The following UTP20 variants were observed in gnomAD, a reference collection of about 807,000 sequenced individuals.
UTP20 encodes small subunit processome component 20 homolog.
In UTP20, 164 loss-of-function variants were observed where a neutral mutation model predicts 329.5. The observed-to-expected ratio is 0.50, with a 90% CI of 0.44 to 0.57. The LOEUF (loss-of-function observed/expected upper bound fraction) is 0.57, where lower values mean the gene tolerates loss of function less well. UTP20 is among the 20% of genes least tolerant of loss of function. The probability of loss-of-function intolerance (pLI) is 0.00; values close to 1 mark genes in which losing one functional copy is unlikely to be tolerated. For missense variants in UTP20, 3,055 were observed against 3,284.2 expected, an observed-to-expected ratio of 0.93 and a Z score of 1.71; for synonymous variants, 1,151 against 1,159.3, an observed-to-expected ratio of 0.99 and a Z score of 0.14.
chr12:101,291,816 G>T lies in UTP20; in HGVS notation c.966G>T (p.Leu322Phe). 1.2e-6 allele frequency: 2 copies of T among 1,613,876 alleles called. No homozygotes were observed. Among genetic ancestry groups the T allele is most frequent in the South Asian group, 1.1e-5 (1 of 90,970 alleles). ...CCESSEQIKR[L>F]LETYLILVKH... ...AAAGTTCTGAACAGATTAAAAGGTT[G>T]TTGGAAACATACCTTATACTTGTAA... Residue 322 changes from leucine to phenylalanine, a missense_variant, in exon 9 of 62, where the codon TTG (leucine) becomes TTT (phenylalanine). Leu to Phe is a conservative substitution (Grantham distance 22, BLOSUM62 0). Transcript: ENST00000261637.
chr12:101,360,617 G>C (rs1869880085), intron 43 of UTP20, among the ~76,000 whole-genome samples: 1 of 152,116 alleles, frequency 6.6e-6, no homozygotes, highest in African/African-American at 2.4e-5. Context: ...TTGAGGTCAG[G>C]AGTTCAAGAC....
At chr12:101,298,994 G>C (rs1291800973) in intron 12 of UTP20, among the ~76,000 whole-genome samples, 2 of 151,980 alleles carry the variant, frequency 1.3e-5, no homozygotes, top group Admixed American at 1.3e-4. Context: ...AACCAAACTG[G>C]AGTTGGAGGA....
chr12:101,374,969 T>TATTCC, intron 55 of UTP20, 30 bp downstream of exon 55: 1 of 1,561,280 alleles, frequency 6.4e-7, no homozygotes, highest in Admixed American at 1.7e-5. Flanking sequence ...ATAAAACTTT[T>TATTCC]CTAACTTATA....
chr12:101,354,772 C>T (rs376163083), intron 40 of UTP20, 60 bp from the exon 41 acceptor site: 7 of 1,550,996 alleles, frequency 4.5e-6, no homozygotes, highest in Middle Eastern at 2.4e-4. Flanking sequence ...AAACTGCTTA[C>T]CACAACTGTG....
chr12:101,313,833 T>G (rs541821786), intron 21 of UTP20, among the ~76,000 whole-genome samples: 1 of 151,858 alleles, frequency 6.6e-6, no homozygotes, highest in African/African-American at 2.4e-5. Context: ...TTTACTGAGA[T>G]AGGAGGAATG....
chr12:101,318,978 A>T (rs1038487933), intron 22 of UTP20, among the ~76,000 whole-genome samples: 2 of 152,158 alleles, frequency 1.3e-5, no homozygotes, highest in Non-Finnish European at 2.9e-5. Context: ...GCCAGCCTTC[A>T]TGTCACTATA....
chr12:101,304,369 G>T (rs544822383), intron 15 of UTP20, among the ~76,000 whole-genome samples: 2 of 152,336 alleles, frequency 1.3e-5, no homozygotes, highest in South Asian at 4.1e-4. Context: ...ATCTCACCTT[G>T]TAGAGATTAA....
rs35483128 is a variant in UTP20, at chr12:101,318,831, GAAAAAAAAAA to G, written c.2739-704_2739-695del. 3.1e-5 allele frequency among the ~76,000 whole-genome samples: 3 copies of G among 97,692 alleles called. No individual in the cohort carries two copies. In the Admixed American group the frequency reaches 3.6e-4, roughly 12 times the overall value. 64.1% of individuals were successfully genotyped at this position (97,692 alleles called of 152,430 possible). A position where few individuals can be genotyped will look rare whatever the true frequency, so the allele number is the denominator to read the frequency against. On this transcript the variant is annotated intron_variant, in intron 22 of 61. Coordinates refer to ENST00000261637, the MANE Select transcript of UTP20 (RefSeq NM_014503.3). Reference sequence around the variant, plus strand: ...GGGCCACAGATTGAGACTCCATCTTGAAAAAAAAAAAAAAAAAAAGACCCAGGGAAGGCTC... The same window carrying G: ...GGGCCACAGATTGAGACTCCATCTTGAAAAAAAAAGACCCAGGGAAGGCTC...
At chr12:101,281,995 G>T (rs1259488125) in intron 2 of UTP20, among the ~76,000 whole-genome samples, 1 of 152,130 alleles carries the variant, frequency 6.6e-6, no homozygotes, top group South Asian at 2.1e-4. Flanking sequence ...GAGCCACCAC[G>T]CCCGGCCTTG....
intron 22 of UTP20, 50 bp from the exon 23 acceptor site, chr12:101,319,494 AT>A: frequency 7.0e-7 from 1 of 1,420,982 alleles, no homozygotes; most frequent in Non-Finnish European, 9.6e-7. Flanking sequence ...GTTTAAGAAA[AT>A]GATCTCAATT....
intron 58 of UTP20, among the ~76,000 whole-genome samples, chr12:101,382,516 A>G (rs1870680566): frequency 6.6e-6 from 1 of 152,192 alleles, no homozygotes; most frequent in Non-Finnish European, 1.5e-5. Context: ...GATAGATCAA[A>G]GTTACATGGA....
chr12:101,334,342 A>T, intron 28 of UTP20, 83 bp from the exon 29 acceptor site: 1 of 1,174,416 alleles, frequency 8.5e-7, no homozygotes, highest in Non-Finnish European at 1.2e-6. Flanking sequence ...CTGTGCTGTG[A>T]TTTCTGTACT....
intron 60 of UTP20, among the ~76,000 whole-genome samples, chr12:101,384,420 A>T (rs1261448746): frequency 6.6e-6 from 1 of 152,136 alleles, no homozygotes; most frequent in Non-Finnish European, 1.5e-5. Context: ...GCACAACTAT[A>T]ATTGCAGCTA....
Position 101,345,554 on chromosome 12 carries a change from A to C in UTP20, c.4606A>C (p.Ser1536Arg). The C allele has an allele frequency of 1.3e-6, 2 of 1,522,594 alleles. No individual in the cohort carries two copies. The highest frequency in any genetic ancestry group is 4.7e-5 in the East Asian group (2 of 42,716). 94.3% of individuals were successfully genotyped at this position (1,522,594 alleles called of 1,614,324 possible). ...LRKGLKSQTESIQQDYTTILS... is the reference protein window; with the variant it reads ...LRKGLKSQTERIQQDYTTILS... ...TTTTTTCTCCACTTCATATTTACAG[A>C]GTATTCAGCAGGATTATACCACAAT... The change falls in exon 37 of 62, where the codon AGT becomes CGT. Residue 1536 changes from serine to arginine, a missense_variant and splice_region_variant. Physicochemically the swap from Ser to Arg is moderately radical, Grantham distance 110 (BLOSUM62 -1). Coordinates refer to ENST00000261637, the MANE Select transcript of UTP20 (RefSeq NM_014503.3).
intron 60 of UTP20, among the ~76,000 whole-genome samples, chr12:101,384,546 A>G (rs1163081297): frequency 2.6e-5 from 4 of 152,228 alleles, no homozygotes; most frequent in Non-Finnish European, 5.9e-5. Context: ...GTCTCAAAAG[A>G]AAGATTATAT....
chr12:101,302,490 G>A lies in UTP20; in HGVS notation c.1718G>A (p.Ser573Asn). 6.2e-7 allele frequency: 1 copy of A among 1,610,870 alleles called. No homozygotes were observed. The change falls in exon 15 of 62, where the codon AGT becomes AAT. Residue 573 changes from serine (S) to asparagine (N), a missense_variant. Ser to Asn is a conservative substitution (Grantham distance 46, BLOSUM62 1). This residue lies in a region of UTP20 where 2,445 missense variants were observed against 2,575.5 expected (regional missense o/e 0.95). Coordinates refer to ENST00000261637, the MANE Select transcript of UTP20 (RefSeq NM_014503.3). ...VLCQAVNTLL[S>N]LEESSELLHL... The stretch of plus-strand genomic sequence containing the variant: ...TGTCAAGCTGTAAATACTCTACTAA[G>A]TTTGGAAGAATCTTCTGAACTTCTT...
intron 2 of UTP20, 147 bp from the exon 3 acceptor site, chr12:101,285,423 A>G (rs1565783455): frequency 1.3e-6 from 1 of 761,726 alleles, no homozygotes; most frequent in Non-Finnish European, 2.0e-6. Context: ...TTAGTGTGTT[A>G]CTTAATGGCC....
intron 15 of UTP20, among the ~76,000 whole-genome samples, chr12:101,304,413 A>G (rs550323644): frequency 3.3e-5 from 5 of 152,254 alleles, no homozygotes; most frequent in African/African-American, 1.2e-4. Context: ...GTAATAAACA[A>G]TTGCATTGAT....
chr12:101,349,637 C>T (rs1241010715), intron 38 of UTP20, among the ~76,000 whole-genome samples: 1 of 152,100 alleles, frequency 6.6e-6, no homozygotes, highest in African/African-American at 2.4e-5. Context: ...GACAGGGTTT[C>T]ATTATGTTTT....
Sources: allele counts gnomAD v4.1 joint callset (sites outside exome capture counted in the v4.1 genomes callset), GRCh38; gene constraint gnomAD v4.1.1; regional missense constraint gnomAD v4.1.1; transcripts MANE v1.5; gene names NCBI Gene and HGNC (gene_info 2026-07-23, HGNC 2026-07-21).